The following SARS1 variants were observed in gnomAD, a reference collection of about 807,000 sequenced individuals.
SARS1 encodes the protein serine--tRNA ligase, cytoplasmic.
SARS1 carries 25 observed loss-of-function variants against 63.7 expected under a neutral mutation model. The ratio of observed to expected loss-of-function variants is 0.39; its 90% confidence interval spans 0.29 to 0.55. SARS1 has a LOEUF of 0.55. Ranked by LOEUF, SARS1 falls within the 20% of genes least tolerant of loss-of-function variation. SARS1 has a pLI of 0.62. For missense variants in SARS1, 417 were observed against 649.7 expected, an observed-to-expected ratio of 0.64 and a Z score of 3.89; for synonymous variants, 231 against 243.5, an observed-to-expected ratio of 0.95 and a Z score of 0.48.
intron 4 of SARS1, 70 bp downstream of exon 4, chr1:109,229,642 G>A (rs754065421): frequency 3.4e-6 from 5 of 1,475,380 alleles, no homozygotes; most frequent in Non-Finnish European, 3.7e-6. Flanking sequence ...GGGACGGGAG[G>A]AGATCTGTGG....
At position 109,237,235 on chromosome 1, in the gene SARS1, T is replaced by C. The variant is rs1655330613; in HGVS notation, c.1258-9T>C. On this transcript the variant is annotated splice_polypyrimidine_tract_variant and intron_variant, in intron 9 of 10. Coordinates refer to ENST00000234677, the MANE Select transcript of SARS1 (RefSeq NM_006513.4). This position sits in a 1 kb window ranked among gnomAD's most constrained non-coding sequence, Gnocchi z 4.1. ...GCCCGACTTCCCCTCTGGGACCCTGTCTTCCCAGGTGGAGTTTGTCCATAT... is the reference window on the plus strand; with the variant it reads ...GCCCGACTTCCCCTCTGGGACCCTGCCTTCCCAGGTGGAGTTTGTCCATAT... The C allele has an allele frequency of 6.2e-7, 1 of 1,607,560 alleles. No individual in the cohort carries two copies. The highest frequency in any genetic ancestry group is 1.3e-5 in the African/African-American group (1 of 74,604).
intron 1 of SARS1, chr1:109,215,787 C>T (rs1654771355): frequency 9.2e-6 from 4 of 436,244 alleles, no homozygotes; most frequent in Non-Finnish European, 1.2e-5. Context: ...CTCACTGCAA[C>T]CTCCATCTCC....
intron 1 of SARS1, among the ~76,000 whole-genome samples, chr1:109,221,989 TATATATATATATATATA>T (rs1654942756): frequency 1.6e-4 from 2 of 12,130 alleles, no homozygotes; most frequent in African/African-American, 5.8e-4. Context: ...TATATATATA[TATATATATATATATATA>T]TATATTTTTT....
At chr1:109,216,580 A>G (rs1654793667) in intron 1 of SARS1, 2 of 984,488 alleles carry the variant, frequency 2.0e-6, no homozygotes, top group Admixed American at 6.2e-5. Flanking sequence ...AAAAAGTGCT[A>G]TCCTGAGTGG....
intron 6 of SARS1, among the ~76,000 whole-genome samples, chr1:109,233,725 C>T (rs1195428222): frequency 6.6e-6 from 1 of 151,846 alleles, no homozygotes. Flanking sequence ...GAGACAGAGT[C>T]TCACTCTGTT....
chr1:109,231,460 G>C (rs1010491648), intron 5 of SARS1, 171 bp from the exon 6 acceptor site: 4 of 463,826 alleles, frequency 8.6e-6, no homozygotes. Flanking sequence ...TGTTCAGAAC[G>C]AATCTCAAGG....
intron 1 of SARS1, chr1:109,215,539 A>G (rs1449296015): frequency 1.0e-6 from 1 of 985,276 alleles, no homozygotes; most frequent in Non-Finnish European, 1.2e-6. Flanking sequence ...CCCAGTACCT[A>G]GCACTGTACC....
chr1:109,231,496 G>A (rs1655210876), intron 5 of SARS1, 135 bp from the exon 6 acceptor site: 2 of 618,404 alleles, frequency 3.2e-6, no homozygotes, highest in Non-Finnish European at 5.2e-6. Flanking sequence ...GCTGGGATCT[G>A]TGGTCTTTTC....
chr1:109,231,524 C>T, intron 5 of SARS1, 107 bp from the exon 6 acceptor site: 1 of 955,636 alleles, frequency 1.0e-6, no homozygotes, highest in Non-Finnish European at 1.4e-6. Flanking sequence ...CCTGCTTGCC[C>T]CTCGGTAGTC....
chr1:109,237,020 C>T lies in SARS1; in HGVS notation c.1258-224C>T. On this transcript the variant is annotated intron_variant, in intron 9 of 10. Transcript: ENST00000234677. The surrounding 1 kb of genome is among the most constrained non-coding windows in gnomAD (Gnocchi z 4.1). The stretch of plus-strand genomic sequence containing the variant: ...CAACTCTCAGAATACCAGAAGCTAC[C>T]ACTTGTCACTCATCGAAACATGAGG... 7.9e-7 allele frequency: 1 copy of T among 1,268,102 alleles called. No individual in the cohort carries two copies. The highest frequency in any genetic ancestry group is 1.1e-6 in the Non-Finnish European group (1 of 936,616). 78.6% of individuals were successfully genotyped at this position (1,268,102 alleles called of 1,614,324 possible). A position where few individuals can be genotyped will look rare whatever the true frequency, so the allele number is the denominator to read the frequency against.
intron 4 of SARS1, 38 bp downstream of exon 4, chr1:109,229,610 C>G: frequency 2.5e-6 from 4 of 1,593,938 alleles, no homozygotes; most frequent in Non-Finnish European, 3.4e-6. Context: ...TGCCTTAGGT[C>G]GCTGCTGTCT....
intron 5 of SARS1, 42 bp downstream of exon 5, chr1:109,231,063 A>G (rs749292135): frequency 8.5e-7 from 1 of 1,175,838 alleles, no homozygotes; most frequent in African/African-American, 1.7e-5. Context: ...ATGAAAAAGA[A>G]ACAAAATATA....
intron 6 of SARS1, among the ~76,000 whole-genome samples, chr1:109,234,474 C>G (rs1655271276): frequency 6.6e-6 from 1 of 150,990 alleles, no homozygotes. Context: ...TTCAGTTGAA[C>G]AGCAAAGTAT....
chr1:109,237,650 C>G lies in SARS1; in HGVS notation c.1388-81C>G, dbSNP rs1273872930. On this transcript the variant is annotated intron_variant, in intron 10 of 10. Coordinates refer to ENST00000234677, the MANE Select transcript of SARS1 (RefSeq NM_006513.4). The surrounding 1 kb of genome is among the most constrained non-coding windows in gnomAD (Gnocchi z 4.1). ...CCCCTCTGTTCAAAGGGATCATTGT[C>G]TTGTTGAATTCTCCCCAGAGGTCTT... The G allele has an allele frequency of 3.9e-5, 58 of 1,483,498 alleles. No individual in the cohort carries two copies. Among genetic ancestry groups the G allele is most frequent in the Non-Finnish European group, 5.3e-5 (57 of 1,080,278 alleles). 91.9% of individuals were successfully genotyped at this position (1,483,498 alleles called of 1,614,324 possible). A position where few individuals can be genotyped will look rare whatever the true frequency, so the allele number is the denominator to read the frequency against.
rs866042032 is a variant in SARS1 at position 109,236,590 on chromosome 1, C to A, written c.1257+42C>A. The A allele has an allele frequency of 5.7e-6, 9 of 1,583,216 alleles. No homozygotes were observed. In the Middle Eastern group the frequency reaches 1.0e-3, roughly 178 times the overall value. ...GAGGTGGGAAGCAGAGTCTTCAGTA[C>A]ACGGCCCGTCCGAATTATTTCTCAG... On this transcript the variant is annotated intron_variant, in intron 9 of 10. Transcript: ENST00000234677.
chr1:109,225,240 A>G (rs1237062599), intron 2 of SARS1, among the ~76,000 whole-genome samples: 1 of 152,258 alleles, frequency 6.6e-6, no homozygotes, highest in African/African-American at 2.4e-5. Context: ...GCATAAAAAG[A>G]TGACCTCGGG....
intron 2 of SARS1, among the ~76,000 whole-genome samples, chr1:109,227,383 C>T (rs1398828932): frequency 6.6e-6 from 1 of 152,124 alleles, no homozygotes; most frequent in African/African-American, 2.4e-5. Context: ...GATGATTTAG[C>T]AGAATTATCA....
rs4268379 is a variant in SARS1, at chr1:109,235,615, C to T, written c.969+184C>T. On this transcript the variant is annotated intron_variant, in intron 7 of 10. Transcript: ENST00000234677. The surrounding 1 kb of genome is among the most constrained non-coding windows in gnomAD (Gnocchi z 4.7). ...GATTATGGACCCTGAAACCAGGCTG[C>T]GGCTTTACCACTCACCAGCTGTGTA... 0.39 allele frequency among the ~76,000 whole-genome samples: 59,871 copies of T among 151,898 alleles called. 13,733 individuals are homozygous for T. Among genetic ancestry groups the T allele is most frequent in the Middle Eastern group, 0.59 (174 of 294 alleles).
Position 109,236,911 on chromosome 1 carries a change from G to A in SARS1, c.1258-333G>A, listed in dbSNP as rs762549624. 3.2e-6 allele frequency: 5 copies of A among 1,554,248 alleles called. No homozygotes were observed. The Admixed American group carries it at 8.3e-5, about 26-fold the overall frequency. ...TGCTCTCTTCAAACCCAATTTTCAG[G>A]CCCTACTCTTTTCCAAGTCAGGTGC... On this transcript the variant is annotated intron_variant, in intron 9 of 10. Transcript: ENST00000234677.
Sources: gnomAD v4.1 joint callset for allele counts (sites outside exome capture counted in the v4.1 genomes callset) on GRCh38, gnomAD v4.1.1 for gene constraint, Gnocchi (gnomAD v3.1) non-coding constraint, MANE v1.5 for transcripts, NCBI Gene and HGNC (gene_info 2026-07-23, HGNC 2026-07-21) for gene names.